The following FBXO27 variants were observed in gnomAD, a reference collection of about 807,000 sequenced individuals.
The protein encoded by FBXO27 is F-box protein 27.
Under a neutral mutation model 28.3 loss-of-function variants are expected in FBXO27, and 28 were observed. That is an observed-to-expected ratio of 0.99 (90% confidence interval 0.73 to 1.36). FBXO27 has a LOEUF of 1.36. FBXO27 is among the 40% of genes most tolerant of loss of function. The pLI is 0.00. For synonymous variants in FBXO27, 175 were observed against 167.3 expected (o/e 1.05, Z -0.36); for missense variants, 388 against 394.1 (o/e 0.98, Z 0.13).
At chr19:39,023,573 G>C (rs916332792), downstream of FBXO27, among the ~76,000 whole-genome samples, 1 of 151,678 alleles carries the variant, frequency 6.6e-6, no homozygotes, top group African/African-American at 2.4e-5. Context: ...TCAGCCAGGG[G>C]ATCCAGGGAG....
chr19:39,009,627 T>G (rs62121530), intron 2 of FBXO27, among the ~76,000 whole-genome samples: 29,092 of 152,096 alleles, frequency 0.19, 3,390 homozygotes, highest in South Asian at 0.38. Flanking sequence ...CCTTTGCCCA[T>G]TTGAAAACTG....
chr19:39,006,996 C>A (rs1379552586), intron 2 of FBXO27, among the ~76,000 whole-genome samples: 2 of 132,996 alleles, frequency 1.5e-5, no homozygotes, highest in East Asian at 4.7e-4. Flanking sequence ...TCACTTGAGG[C>A]CAGGAATTCG....
At chr19:39,031,648 C>T (rs2072904303) in intron 2 of FBXO27, among the ~76,000 whole-genome samples, 1 of 152,022 alleles carries the variant, frequency 6.6e-6, no homozygotes, top group South Asian at 2.1e-4. Flanking sequence ...CCTCGTCCCT[C>T]CGACACCTCC....
At chr19:39,019,586 G>C (rs1367609575), downstream of FBXO27, among the ~76,000 whole-genome samples, 1 of 151,870 alleles carries the variant, frequency 6.6e-6, no homozygotes, top group African/African-American at 2.4e-5. Context: ...TGCCAGCAAA[G>C]GATGGTTTGA....
At position 39,032,150 on chromosome 19, in the gene FBXO27, C is replaced by G; in HGVS notation, c.78G>C (p.Leu26=). ...GAAGCAGCTCTGGGGGTAGTTGGCT[C>G]AGGTCCAGCGCCTCTTCGGGTTCCG... is the stretch of plus-strand genomic sequence containing the variant. ...PEPEPEEALD[L]SQLPPELLLV... Residue 26 remains leucine, a synonymous_variant, in exon 2 of 6, where the codon CTG becomes CTC. Transcript: ENST00000292853. The surrounding 1 kb of genome is among the most constrained non-coding windows in gnomAD (Gnocchi z 4.7). The G allele has an allele frequency of 1.3e-6, 2 of 1,541,386 alleles. No individual in the cohort carries two copies. The highest frequency in any genetic ancestry group is 1.7e-6 in the Non-Finnish European group (2 of 1,149,864).
intron 5 of FBXO27, 100 bp from the exon 6 acceptor site, chr19:39,025,654 A>G (rs1310452046): frequency 2.1e-6 from 3 of 1,415,626 alleles, no homozygotes; most frequent in Non-Finnish European, 2.8e-6. Flanking sequence ...AAGGATGGCT[A>G]TAAAATCTCC....
intron 2 of FBXO27, among the ~76,000 whole-genome samples, chr19:39,013,920 G>A (rs1042792790): frequency 1.3e-5 from 2 of 152,066 alleles, no homozygotes; most frequent in African/African-American, 4.8e-5. Flanking sequence ...GGCTGAGGCA[G>A]GAGAATGGCG....
At chr19:39,027,144 T>C (rs2072877267) in intron 4 of FBXO27, 139 bp from the exon 5 acceptor site, 1 of 1,056,634 alleles carries the variant, frequency 9.5e-7, no homozygotes, top group South Asian at 1.6e-5. Flanking sequence ...CTCTGGACCT[T>C]TGGAATGTTG....
intron 2 of FBXO27, among the ~76,000 whole-genome samples, chr19:39,005,847 G>A (rs570614547): frequency 6.6e-6 from 1 of 152,280 alleles, no homozygotes; most frequent in East Asian, 1.9e-4. Context: ...AAAGGTTGAT[G>A]AAGAATGGGA....
intron 1 of FBXO27, among the ~76,000 whole-genome samples, chr19:39,017,460 G>A (rs548459206): frequency 4.6e-5 from 7 of 151,602 alleles, no homozygotes; most frequent in South Asian, 2.1e-4. Context: ...TTGGGAGGCC[G>A]AGGAGGGTGG....
At chr19:39,031,840 G>C in intron 2 of FBXO27, 24 bp downstream of exon 2, 1 of 1,464,268 alleles carries the variant, frequency 6.8e-7, no homozygotes, top group African/African-American at 1.5e-5. Flanking sequence ...CCAGCATCCT[G>C]GACTTCCTCT....
At chr19:39,015,402 G>A (rs1256234133) in intron 1 of FBXO27, among the ~76,000 whole-genome samples, 6 of 151,566 alleles carry the variant, frequency 4.0e-5, no homozygotes, top group Non-Finnish European at 7.4e-5. Context: ...AGGCCAAGGC[G>A]GGCGGATTGC....
intron 2 of FBXO27, among the ~76,000 whole-genome samples, chr19:39,007,115 C>T (rs1283273447): frequency 6.8e-6 from 1 of 147,776 alleles, no homozygotes; most frequent in Non-Finnish European, 1.5e-5. Context: ...ACACGTGGTG[C>T]CCCCTGGAGA....
chr19:39,016,493 T>C (rs6508836), intron 1 of FBXO27, among the ~76,000 whole-genome samples: 11 of 151,082 alleles, frequency 7.3e-5, no homozygotes, highest in African/African-American at 2.7e-4. Flanking sequence ...GGCTCACGCC[T>C]GTAATCCTAG....
chr19:39,032,341 C>A lies in FBXO27; in HGVS notation c.-26-88G>T. The A allele has an allele frequency of 7.5e-7, 1 of 1,326,910 alleles. No homozygotes were observed. The highest frequency in any genetic ancestry group is 9.7e-7 in the Non-Finnish European group (1 of 1,032,332). The allele number at this position is 1,326,910 out of a possible 1,614,324, so 82.2% of individuals were successfully genotyped here. ...CTGCCCTGATTCTGCCAGCCGCACC[C>A]CCGTCTTCACCATCCCTGGGCCCCG... On this transcript the variant is annotated intron_variant, in intron 1 of 5. Transcript: ENST00000292853. This position sits in a 1 kb window ranked among gnomAD's most constrained non-coding sequence, Gnocchi z 4.7.
At chr19:39,028,399 A>C (rs1481226346) in intron 4 of FBXO27, among the ~76,000 whole-genome samples, 2 of 152,140 alleles carry the variant, frequency 1.3e-5, no homozygotes, top group African/African-American at 4.8e-5. Context: ...CCACTGATCA[A>C]AACAACACAA....
chr19:39,028,503 G>C (rs1449301164), intron 4 of FBXO27, among the ~76,000 whole-genome samples: 1 of 152,202 alleles, frequency 6.6e-6, no homozygotes, highest in African/African-American at 2.4e-5. Context: ...GGGAGGCAGA[G>C]GTGTAAGGAC....
At chr19:39,007,776 G>C (rs1230346516) in intron 2 of FBXO27, among the ~76,000 whole-genome samples, 1 of 152,056 alleles carries the variant, frequency 6.6e-6, no homozygotes, top group Non-Finnish European at 1.5e-5. Flanking sequence ...CCAAGTAGTT[G>C]GGACTACGGG....
intron 2 of FBXO27, 30 bp from the exon 3 acceptor site, chr19:39,031,350 T>A: frequency 6.2e-7 from 1 of 1,608,768 alleles, no homozygotes; most frequent in Non-Finnish European, 8.5e-7. Context: ...TGTGCCCAAG[T>A]TCCAGTCGCC....
Sources: gnomAD v4.1 joint callset for allele counts (sites outside exome capture counted in the v4.1 genomes callset) on GRCh38, gnomAD v4.1.1 for gene constraint, Gnocchi (gnomAD v3.1) non-coding constraint, MANE v1.5 for transcripts, NCBI Gene and HGNC (gene_info 2026-07-23, HGNC 2026-07-21) for gene names.